The following MTAP variants were observed in gnomAD, a reference collection of about 807,000 sequenced individuals.
MTAP encodes the protein S-methyl-5'-thioadenosine phosphorylase.
In MTAP, 33 loss-of-function variants were observed where a neutral mutation model predicts 33.6. The observed-to-expected ratio is 0.98, with a 90% CI of 0.74 to 1.31. The LOEUF is 1.31. MTAP is among the 40% of genes most tolerant of loss of function. The pLI, the probability that MTAP is intolerant of heterozygous loss-of-function variation, is 0.00. For synonymous variants in MTAP, 148 were observed against 125.7 expected, an observed-to-expected ratio of 1.18 and a Z score of -1.19; for missense variants, 367 against 360.0, an observed-to-expected ratio of 1.02 and a Z score of -0.16.
At chr9:21,822,536 T>G (rs534969195) in intron 4 of MTAP, among the ~76,000 whole-genome samples, 2 of 151,760 alleles carry the variant, frequency 1.3e-5, no homozygotes, top group Admixed American at 1.3e-4. Flanking sequence ...TGCTGAGGAG[T>G]GCTTTACTTC....
In MTAP at chr9:21,863,950, C is replaced by T. The variant is rs117552951; in HGVS notation, c.*1936C>T. The stretch of plus-strand genomic sequence containing the variant: ...AGTATTAAATTTCAACTCTGGTTAT[C>T]CATTAGCAATCTGTAGAGAACTTAA... On this transcript the variant is annotated 3_prime_UTR_variant, in exon 8 of 8. Transcript: ENST00000644715. 1.2e-3 allele frequency: 1,161 copies of T among 985,798 alleles called. 33 individuals carry two copies. The Admixed American group carries it at 0.048, about 40-fold the overall frequency. 61.1% of individuals were successfully genotyped at this position (985,798 alleles called of 1,614,324 possible).
Position 21,838,675 on chromosome 9 carries a change from A to G in MTAP, c.450+665A>G, listed in dbSNP as rs573227956. On this transcript the variant is annotated intron_variant, in intron 5 of 7. Coordinates refer to ENST00000644715, the MANE Select transcript of MTAP (RefSeq NM_002451.4). ...ATCACAGAACTATGGGGACAGCCCC[A>G]CAAGGGCCAGTGGTGGTATAAGGGG... Among the ~76,000 whole-genome samples, 19 of 152,354 alleles carry G rather than the reference A, an allele frequency of 1.2e-4. 1 individual carries two copies. In the East Asian group the frequency reaches 3.7e-3, roughly 29 times the overall value.
intron 1 of MTAP, among the ~76,000 whole-genome samples, chr9:21,888,251 T>G (rs888382440): frequency 2.0e-5 from 3 of 152,250 alleles, no homozygotes; most frequent in Non-Finnish European, 4.4e-5. Context: ...ATATGCTCTA[T>G]GTTGGAGAAT....
Position 21,923,543 on chromosome 9 carries a change from G to A in MTAP, c.148-7465G>A, listed in dbSNP as rs115770050. Among the ~76,000 whole-genome samples, 392 of 152,258 alleles carry A rather than the reference G, an allele frequency of 2.6e-3. 2 individuals carry two copies. The highest frequency in any genetic ancestry group is 5.9e-3 in the Admixed American group (90 of 15,292). ...TTATGTGAGCATATGAAGGTTTTCC[G>A]TCAGTATTCCTCATGCTTCCTCCCA... On this transcript the variant is annotated intron_variant, in intron 1 of 1. Transcript: ENST00000577563.
At chr9:21,901,721 G>T (rs2118803042) in intron 1 of MTAP, among the ~76,000 whole-genome samples, 1 of 152,264 alleles carries the variant, frequency 6.6e-6, no homozygotes, top group Middle Eastern at 3.4e-3. Context: ...CCACAAGGAG[G>T]AAATGAGGTT....
chr9:21,900,590 T>C (rs1818375155), intron 1 of MTAP, among the ~76,000 whole-genome samples: 1 of 152,224 alleles, frequency 6.6e-6, no homozygotes, highest in Non-Finnish European at 1.5e-5. Flanking sequence ...GTTCAGCCAC[T>C]GTGGAAAGCG....
At chr9:21,856,901 A>G (rs1271725122) in intron 6 of MTAP, among the ~76,000 whole-genome samples, 1 of 152,224 alleles carries the variant, frequency 6.6e-6, no homozygotes, top group East Asian at 1.9e-4. Context: ...CTTCTGTAGA[A>G]TGAAGCCAGG....
chr9:21,889,153 T>C (rs1223405115), intron 1 of MTAP, among the ~76,000 whole-genome samples: 1 of 152,048 alleles, frequency 6.6e-6, no homozygotes, highest in East Asian at 1.9e-4. Flanking sequence ...TCTCAAACTT[T>C]TTGAATTTTG....
At chr9:21,885,245 G>C (rs997745788) in intron 1 of MTAP, among the ~76,000 whole-genome samples, 1 of 152,082 alleles carries the variant, frequency 6.6e-6, no homozygotes. Context: ...ATTGATGGAA[G>C]GAATAATCCT....
chr9:21,831,424 C>T (rs1187114411), intron 4 of MTAP, among the ~76,000 whole-genome samples: 1 of 152,086 alleles, frequency 6.6e-6, no homozygotes, highest in Non-Finnish European at 1.5e-5. Context: ...GTAGCCTCTA[C>T]CTCCTGGGCT....
chr9:21,862,867 TTC>T lies in MTAP; in HGVS notation c.*855_*856del, dbSNP rs1825782171. ...GATAATTTTTATTTTCTTTGAATCT[TTC>T]TGTGTCTTCACATTTTTCTACAGTG... is the stretch of plus-strand genomic sequence containing the variant. On this transcript the variant is annotated 3_prime_UTR_variant, in exon 8 of 8. Coordinates refer to ENST00000644715, the MANE Select transcript of MTAP (RefSeq NM_002451.4). 1.3e-5 allele frequency: 10 copies of T among 791,914 alleles called. No individual in the cohort carries two copies. The highest frequency in any genetic ancestry group is 1.2e-4 in the Admixed American group (2 of 16,018). 49.1% of individuals were successfully genotyped at this position (791,914 alleles called of 1,614,324 possible). A position where few individuals can be genotyped will look rare whatever the true frequency, so the allele number is the denominator to read the frequency against.
chr9:21,828,344 C>G (rs1221613867), intron 4 of MTAP, among the ~76,000 whole-genome samples: 1 of 152,104 alleles, frequency 6.6e-6, no homozygotes, highest in East Asian at 1.9e-4. Flanking sequence ...CTAGTTGACA[C>G]TACTTTACAA....
chr9:21,924,787 G>A (rs987855287), intron 1 of MTAP, among the ~76,000 whole-genome samples: 28 of 152,326 alleles, frequency 1.8e-4, no homozygotes, highest in African/African-American at 6.3e-4. Context: ...CTCCCTTCAA[G>A]AAGTTAGTTG....
chr9:21,937,528 C>A (rs191356931), exon 8 of MTAP: 7 of 152,182 alleles, frequency 4.6e-5, no homozygotes, highest in African/African-American at 1.7e-4. Context: ...CAAAATAATT[C>A]TTTGTGCTTC....
At chr9:21,887,873 T>TG (rs774454608) in intron 1 of MTAP, among the ~76,000 whole-genome samples, 120 of 151,892 alleles carry the variant, frequency 7.9e-4, no homozygotes, top group Middle Eastern at 3.4e-3. Context: ...CTAAGTTTTG[T>TG]GTGGGGGGGT....
intron 4 of MTAP, among the ~76,000 whole-genome samples, chr9:21,820,294 T>C (rs1051265377): frequency 6.6e-6 from 1 of 152,246 alleles, no homozygotes; most frequent in Non-Finnish European, 1.5e-5. Flanking sequence ...TTTAAGTCTT[T>C]AATCTATCTT....
At chr9:21,814,806 A>T (rs1824437140) in intron 1 of MTAP, among the ~76,000 whole-genome samples, 1 of 152,242 alleles carries the variant, frequency 6.6e-6, no homozygotes, top group African/African-American at 2.4e-5. Flanking sequence ...ACATGTAAAT[A>T]TGAATTTGCA....
At chr9:21,843,299 G>T (rs1487979861) in intron 5 of MTAP, among the ~76,000 whole-genome samples, 3 of 151,774 alleles carry the variant, frequency 2.0e-5, no homozygotes, top group African/African-American at 7.3e-5. Flanking sequence ...GACATAGATG[G>T]TAACACAATA....
intron 1 of MTAP, among the ~76,000 whole-genome samples, chr9:21,894,613 G>A (rs1198190720): frequency 7.9e-6 from 1 of 125,964 alleles, no homozygotes; most frequent in Non-Finnish European, 1.6e-5. Context: ...GGGGGGTGGG[G>A]GAGGGATACC....
Sources: gnomAD v4.1 joint callset for allele counts (sites outside exome capture counted in the v4.1 genomes callset) on GRCh38, gnomAD v4.1.1 for gene constraint, MANE v1.5 for transcripts, NCBI Gene and HGNC (gene_info 2026-07-23, HGNC 2026-07-21) for gene names.